Variants in OR2L13 observed in about 807,000 individuals in gnomAD.
OR2L13 encodes olfactory receptor family 2 subfamily L member 13, also known as olfactory receptor 2L13.
A neutral mutation model predicts 15.3 loss-of-function variants in OR2L13; 14 were observed. That is an observed-to-expected ratio of 0.91 (90% CI 0.60 to 1.43). OR2L13 has a LOEUF of 1.43. OR2L13 is among the 40% of genes most tolerant of loss of function. The pLI is 0.00. For missense variants in OR2L13, 367 were observed against 387.9 expected (o/e 0.95, Z 0.45); for synonymous variants, 152 against 142.9 (o/e 1.06, Z -0.45).
chr1:248,037,365 T>G, the OR2L13 span, among the ~76,000 whole-genome samples: 2 of 152,142 alleles, frequency 1.3e-5, no homozygotes, highest in Non-Finnish European at 2.9e-5. Context: ...CCAGAAAAAG[T>G]AATGCTAATT....
chr1:247,951,607 C>T, the OR2L13 span, among the ~76,000 whole-genome samples: 173 of 152,298 alleles, frequency 1.1e-3, no homozygotes, highest in Non-Finnish European at 1.9e-3. Context: ...TTAAAACACA[C>T]ATTTTGAACT....
At chr1:247,938,595 T>C in the OR2L13 span, among the ~76,000 whole-genome samples, 2 of 152,082 alleles carry the variant, frequency 1.3e-5, no homozygotes, top group Non-Finnish European at 2.9e-5. Flanking sequence ...TATAGAAACA[T>C]AGAAACGCCT....
At chr1:248,082,824 T>C in the OR2L13 span, among the ~76,000 whole-genome samples, 1 of 152,218 alleles carries the variant, frequency 6.6e-6, no homozygotes, top group Admixed American at 6.5e-5. Context: ...TGATAACTCA[T>C]TGTTAGTAAC....
chr1:248,053,837 C>A, the OR2L13 span, among the ~76,000 whole-genome samples: 3 of 151,920 alleles, frequency 2.0e-5, no homozygotes, highest in Non-Finnish European at 4.4e-5. Context: ...TGCTTAAGTT[C>A]TTTGTAGATT....
chr1:247,950,888 A>G, the OR2L13 span, among the ~76,000 whole-genome samples: 1 of 152,136 alleles, frequency 6.6e-6, no homozygotes, highest in African/African-American at 2.4e-5. Context: ...AATATATTGT[A>G]TATATTAAAA....
the OR2L13 span, among the ~76,000 whole-genome samples, chr1:248,037,597 A>G: frequency 2.0e-5 from 3 of 152,186 alleles, no homozygotes; most frequent in Non-Finnish European, 2.9e-5. Context: ...ATCTCTGTGT[A>G]AGAAAATAAT....
At chr1:248,022,717 C>T in the OR2L13 span, 4 of 1,614,160 alleles carry the variant, frequency 2.5e-6, no homozygotes, top group Admixed American at 5.0e-5. Flanking sequence ...TTTGCTTATA[C>T]CTATCTATGT....
chr1:247,945,780 G>C, the OR2L13 span, among the ~76,000 whole-genome samples: 3 of 152,152 alleles, frequency 2.0e-5, no homozygotes, highest in East Asian at 1.9e-4. Context: ...GACCTTTGTT[G>C]GTTTGAAGTC....
the OR2L13 span, among the ~76,000 whole-genome samples, chr1:248,006,490 T>A: frequency 6.6e-6 from 1 of 152,056 alleles, no homozygotes; most frequent in Non-Finnish European, 1.5e-5. Flanking sequence ...CCTTTGAGTG[T>A]GGGACCCTGT....
chr1:247,990,659 A>G, the OR2L13 span: 25 of 1,525,828 alleles, frequency 1.6e-5, no homozygotes, highest in East Asian at 4.5e-5. Flanking sequence ...CCTCTCCACT[A>G]TCCCATCCGT....
At chr1:248,039,195 G>C in the OR2L13 span, 1 of 1,608,120 alleles carries the variant, frequency 6.2e-7, no homozygotes, top group Non-Finnish European at 8.5e-7. Flanking sequence ...AATCTTCTCA[G>C]TGAAAATGTA....
chr1:248,010,763 G>T, the OR2L13 span, among the ~76,000 whole-genome samples: 51 of 44,476 alleles, frequency 1.1e-3, no homozygotes, highest in East Asian at 2.5e-3. Flanking sequence ...CTTTGTTGTT[G>T]TTTTTTTTTT....
At chr1:248,084,111 A>G in the OR2L13 span, 1 of 1,611,764 alleles carries the variant, frequency 6.2e-7, no homozygotes, top group Non-Finnish European at 8.5e-7. Flanking sequence ...TGGGAAGCTC[A>G]GGGTAGCAAC....
chr1:248,069,588 A>G, the OR2L13 span, among the ~76,000 whole-genome samples: 3 of 152,190 alleles, frequency 2.0e-5, no homozygotes, highest in African/African-American at 4.8e-5. Context: ...ATAACCAGCT[A>G]ACATCATAAT....
the OR2L13 span, among the ~76,000 whole-genome samples, chr1:248,033,584 G>A: frequency 4.1e-5 from 6 of 148,132 alleles, no homozygotes; most frequent in East Asian, 2.0e-4. Context: ...CTACTGGTGC[G>A]AGCCACCACA....
At chr1:248,024,534 T>A in the OR2L13 span, among the ~76,000 whole-genome samples, 6 of 152,162 alleles carry the variant, frequency 3.9e-5, no homozygotes, top group Non-Finnish European at 8.8e-5. Flanking sequence ...GTTTTTATGG[T>A]TTTAGGTCTA....
At chr1:248,078,309 C>T in the OR2L13 span, among the ~76,000 whole-genome samples, 2 of 151,888 alleles carry the variant, frequency 1.3e-5, no homozygotes, top group African/African-American at 4.8e-5. Context: ...GATGAAACCC[C>T]GTGTCTACCA....
the OR2L13 span, among the ~76,000 whole-genome samples, chr1:247,979,598 T>C: frequency 3.3e-5 from 5 of 152,260 alleles, no homozygotes; most frequent in African/African-American, 1.2e-4. Flanking sequence ...TCTTTGCTAT[T>C]GTGAATAGTG....
chr1:247,942,549 T>G, the OR2L13 span, among the ~76,000 whole-genome samples: 11 of 152,218 alleles, frequency 7.2e-5, no homozygotes, highest in Middle Eastern at 6.8e-3. Context: ...CCTAATGACA[T>G]TTATGAAAAT....
Sources: gnomAD v4.1 joint callset for allele counts (sites outside exome capture counted in the v4.1 genomes callset) on GRCh38, gnomAD v4.1.1 for gene constraint, MANE v1.5 for transcripts, NCBI Gene and HGNC (gene_info 2026-07-23, HGNC 2026-07-21) for gene names.